Variants in ALK observed in about 807,000 individuals in gnomAD.
ALK encodes the protein ALK tyrosine kinase receptor.
In ALK, 74 loss-of-function variants were observed where a neutral mutation model predicts 163.1. The ratio of observed to expected loss-of-function variants is 0.45; its 90% CI spans 0.38 to 0.55. The LOEUF is 0.55. Ranked by LOEUF, ALK falls within the 20% of genes least tolerant of loss-of-function variation. The probability of loss-of-function intolerance (pLI) is 0.00; values close to 1 mark genes in which losing one functional copy is unlikely to be tolerated. For synonymous variants in ALK, 960 were observed against 843.2 expected, an observed-to-expected ratio of 1.14 and a Z score of -2.40; for missense variants, 2,063 against 2,105.3, an observed-to-expected ratio of 0.98 and a Z score of 0.39.
chr2:29,909,123 A>G (rs1667629480), intron 1 of ALK, among the ~76,000 whole-genome samples: 1 of 152,200 alleles, frequency 6.6e-6, no homozygotes, highest in African/African-American at 2.4e-5. Flanking sequence ...AGCTTATCAT[A>G]TAGGCTCCTG....
intron 1 of ALK, among the ~76,000 whole-genome samples, chr2:29,738,745 A>G (rs1215200882): frequency 6.6e-6 from 1 of 152,084 alleles, no homozygotes; most frequent in Non-Finnish European, 1.5e-5. Flanking sequence ...CTGAAGCATG[A>G]TAGGAACACC....
Position 29,349,080 on chromosome 2 carries a change from G to A in ALK, c.1283-20599C>T, listed in dbSNP as rs574957070. Among the ~76,000 whole-genome samples the A allele has an allele frequency of 6.6e-5, 10 of 152,304 alleles. No homozygotes were observed. In the South Asian group the frequency reaches 2.1e-3, roughly 32 times the overall value. On this transcript the variant is annotated intron_variant, in intron 5 of 28. Transcript: ENST00000389048. ...TACTGTCCATCAAGTTCTTAGTGGTGCCTAACACAGAGTAAGTCTTGATGA... is the reference window on the plus strand; with the variant it reads ...TACTGTCCATCAAGTTCTTAGTGGTACCTAACACAGAGTAAGTCTTGATGA...
At chr2:29,360,230 C>G (rs1258923283) in intron 5 of ALK, among the ~76,000 whole-genome samples, 4 of 152,208 alleles carry the variant, frequency 2.6e-5, no homozygotes, top group Non-Finnish European at 5.9e-5. Flanking sequence ...TTTTCTGGCA[C>G]AGTTGGCCTT....
At chr2:29,228,680 G>A (rs1051208338) in intron 16 of ALK, among the ~76,000 whole-genome samples, 4 of 151,698 alleles carry the variant, frequency 2.6e-5, no homozygotes, top group African/African-American at 9.7e-5. Flanking sequence ...TGCTGTCGCT[G>A]AGGAAGCCTG....
chr2:29,738,799 G>C (rs1679966856), intron 1 of ALK, among the ~76,000 whole-genome samples: 1 of 152,060 alleles, frequency 6.6e-6, no homozygotes, highest in Non-Finnish European at 1.5e-5. Flanking sequence ...GAAGTTTTAT[G>C]CTTAGAGCTT....
At chr2:29,719,166 TC>T (rs1187056318) in intron 1 of ALK, among the ~76,000 whole-genome samples, 1 of 152,230 alleles carries the variant, frequency 6.6e-6, no homozygotes, top group African/African-American at 2.4e-5. Flanking sequence ...GGATGGGCAT[TC>T]CACGGTCTCC....
chr2:29,622,916 A>C (rs952274861), intron 3 of ALK, among the ~76,000 whole-genome samples: 1 of 152,128 alleles, frequency 6.6e-6, no homozygotes, highest in African/African-American at 2.4e-5. Context: ...AGAATTGTTC[A>C]TTTGGTTTCC....
At chr2:29,254,263 A>G (rs1373892398) in intron 11 of ALK, among the ~76,000 whole-genome samples, 1 of 152,102 alleles carries the variant, frequency 6.6e-6, no homozygotes, top group Non-Finnish European at 1.5e-5. Context: ...GCAGCATGAG[A>G]ATGGACTAAT....
At chr2:29,611,532 T>C (rs1675691113) in intron 3 of ALK, among the ~76,000 whole-genome samples, 1 of 152,180 alleles carries the variant, frequency 6.6e-6, no homozygotes, top group South Asian at 2.1e-4. Context: ...ATGTCAACCA[T>C]CTGAACTCTT....
intron 4 of ALK, among the ~76,000 whole-genome samples, chr2:29,406,483 G>T (rs1006315359): frequency 3.3e-5 from 5 of 152,176 alleles, no homozygotes; most frequent in African/African-American, 1.2e-4. Context: ...AGGCTCAGAA[G>T]CCTCATTCTG....
intron 3 of ALK, among the ~76,000 whole-genome samples, chr2:29,658,170 T>G (rs1456556938): frequency 6.6e-6 from 1 of 152,100 alleles, no homozygotes; most frequent in African/African-American, 2.4e-5. Flanking sequence ...GAAATGAAAA[T>G]GCTTAAAATG....
chr2:29,258,610 C>T (rs1002573395), intron 11 of ALK, among the ~76,000 whole-genome samples: 1 of 152,172 alleles, frequency 6.6e-6, no homozygotes, highest in African/African-American at 2.4e-5. Flanking sequence ...ACTGTTTGTA[C>T]ATTATTATGA....
intron 14 of ALK, 97 bp downstream of exon 14, chr2:29,233,468 A>G (rs1664276310): frequency 6.4e-6 from 10 of 1,560,950 alleles, no homozygotes; most frequent in Non-Finnish European, 8.8e-6. Context: ...ACACGGGGAT[A>G]AGAGCATCTG....
chr2:29,365,838 G>C (rs1276951990), intron 5 of ALK, among the ~76,000 whole-genome samples: 2 of 152,116 alleles, frequency 1.3e-5, no homozygotes, highest in Non-Finnish European at 2.9e-5. Context: ...ATTTTAGCTA[G>C]AGACAGCTGG....
intron 1 of ALK, among the ~76,000 whole-genome samples, chr2:29,789,394 C>T (rs1328067054): frequency 6.6e-6 from 1 of 152,140 alleles, no homozygotes; most frequent in African/African-American, 2.4e-5. Context: ...CTGAATCAGC[C>T]AACCAACCAA....
intron 3 of ALK, among the ~76,000 whole-genome samples, chr2:29,594,400 C>G (rs996127710): frequency 2.8e-4 from 42 of 149,256 alleles, no homozygotes; most frequent in African/African-American, 9.2e-4. Flanking sequence ...TGAGTATAGA[C>G]AAACAGTACA....
intron 1 of ALK, among the ~76,000 whole-genome samples, chr2:29,837,966 T>A (rs1572423868): frequency 6.6e-6 from 1 of 152,140 alleles, no homozygotes; most frequent in Non-Finnish European, 1.5e-5. Context: ...AGGGAAAATA[T>A]GAATTTAATA....
chr2:29,634,191 C>T (rs965249607), intron 3 of ALK, among the ~76,000 whole-genome samples: 3 of 151,924 alleles, frequency 2.0e-5, no homozygotes, highest in Admixed American at 6.6e-5. Context: ...CTCTGCCTCC[C>T]GGTTCAAGTG....
At chr2:29,452,343 T>TTTTTTTTTTG (rs1670843442) in intron 4 of ALK, among the ~76,000 whole-genome samples, 1 of 149,592 alleles carries the variant, frequency 6.7e-6, no homozygotes, top group Non-Finnish European at 1.5e-5. Context: ...TTTTTTTTTT[T>TTTTTTTTTTG]TTTTTTTTCT....
Sources: gnomAD v4.1 joint callset for allele counts (sites outside exome capture counted in the v4.1 genomes callset) on GRCh38, gnomAD v4.1.1 for gene constraint, MANE v1.5 for transcripts, NCBI Gene and HGNC (gene_info 2026-07-23, HGNC 2026-07-21) for gene names.